The following DPP6 variants were observed in gnomAD, a reference collection of about 807,000 sequenced individuals.
DPP6 encodes A-type potassium channel modulatory protein DPP6.
A neutral mutation model predicts 122.6 loss-of-function variants in DPP6; 69 were observed. The ratio of observed to expected loss-of-function variants is 0.56; its 90% CI spans 0.46 to 0.69. The LOEUF is 0.69. Ranked by LOEUF, DPP6 falls within the 30% of genes least tolerant of loss-of-function variation. The pLI is 0.00. For synonymous variants in DPP6, 418 were observed against 433.1 expected, an observed-to-expected ratio of 0.97 and a Z score of 0.43; for missense variants, 928 against 1,116.9, an observed-to-expected ratio of 0.83 and a Z score of 2.41.
At chr7:154,031,214 A>G (rs1052524914) in intron 1 of DPP6, among the ~76,000 whole-genome samples, 50 of 151,432 alleles carry the variant, frequency 3.3e-4, no homozygotes, top group African/African-American at 1.2e-3. Flanking sequence ...TAGATAAACT[A>G]TTTTTTTAAT....
At chr7:154,701,021 C>T (rs942327139) in intron 7 of DPP6, among the ~76,000 whole-genome samples, 14 of 152,126 alleles carry the variant, frequency 9.2e-5, no homozygotes, top group African/African-American at 2.9e-4. Context: ...ATCCCCATCA[C>T]CCCCCATCTG....
At chr7:154,478,800 T>C (rs12533390) in intron 3 of DPP6, among the ~76,000 whole-genome samples, 5,689 of 152,310 alleles carry the variant, frequency 0.037, 200 homozygotes, top group African/African-American at 0.08. Flanking sequence ...ACCAAAATTA[T>C]AGGTTCCGAA....
chr7:153,762,441 T>C, the DPP6 span, among the ~76,000 whole-genome samples: 268 of 152,292 alleles, frequency 1.8e-3, 4 homozygotes, highest in Non-Finnish European at 6.0e-4. Flanking sequence ...ACAGGTGTTA[T>C]TCATTGCTTC....
chr7:154,526,642 T>C (rs1586544191), intron 3 of DPP6, among the ~76,000 whole-genome samples: 1 of 152,218 alleles, frequency 6.6e-6, no homozygotes, highest in African/African-American at 2.4e-5. Flanking sequence ...ATAAATATGG[T>C]CCAACTAAAA....
At position 154,282,552 on chromosome 7, in the gene DPP6, T is replaced by C. The variant is rs1040149025; in HGVS notation, c.244-163662T>C. On this transcript the variant is annotated intron_variant, in intron 1 of 25. Transcript: ENST00000377770. This position sits in a 1 kb window ranked among gnomAD's most constrained non-coding sequence, Gnocchi z 4.8. ...GGCACAGGTCTTCTGTTAGACTCAATGGTGGGAAGGGGATGGGATGCAGCC... is the reference window on the plus strand; with the variant it reads ...GGCACAGGTCTTCTGTTAGACTCAACGGTGGGAAGGGGATGGGATGCAGCC... Among the ~76,000 whole-genome samples, 1 of 152,124 alleles carries C rather than the reference T, an allele frequency of 6.6e-6. No individual in the cohort carries two copies. Among genetic ancestry groups the C allele is most frequent in the African/African-American group, 2.4e-5 (1 of 41,422 alleles).
the DPP6 span, among the ~76,000 whole-genome samples, chr7:153,784,994 A>G: frequency 6.6e-6 from 1 of 152,228 alleles, no homozygotes; most frequent in African/African-American, 2.4e-5. Flanking sequence ...TTATAACTAC[A>G]TTCAGTTTAC....
chr7:154,866,307 G>A (rs528341456), intron 17 of DPP6, among the ~76,000 whole-genome samples: 1 of 152,366 alleles, frequency 6.6e-6, no homozygotes, highest in East Asian at 1.9e-4. Context: ...CTGAGTGTGT[G>A]CCTGGAGCAT....
chr7:153,884,987 A>AATATATATAT (rs56329841), upstream of DPP6, among the ~76,000 whole-genome samples: 65 of 116,438 alleles, frequency 5.6e-4, no homozygotes, highest in East Asian at 8.3e-4. Context: ...TCAAAACAAA[A>AATATATATAT]ATATATATAT....
chr7:153,801,876 C>G, the DPP6 span, among the ~76,000 whole-genome samples: 1 of 152,060 alleles, frequency 6.6e-6, no homozygotes. Flanking sequence ...ACTGATTTCT[C>G]TGTTTCTAAA....
At chr7:154,663,318 G>C (rs369228628) in intron 6 of DPP6, among the ~76,000 whole-genome samples, 4 of 23,304 alleles carry the variant, frequency 1.7e-4, no homozygotes, top group East Asian at 1.9e-3. Flanking sequence ...AGTGTTCATA[G>C]AGTCATGGTG....
In DPP6 at chr7:154,517,413, G is replaced by C. The variant is rs114941946; in HGVS notation, c.458-23119G>C. 5.8e-3 allele frequency among the ~76,000 whole-genome samples: 880 copies of C among 152,220 alleles called. 8 individuals are homozygous for C. The highest frequency in any genetic ancestry group is 0.02 in the African/African-American group (810 of 41,536). On this transcript the variant is annotated intron_variant, in intron 3 of 25. Coordinates refer to ENST00000377770, the MANE Select transcript of DPP6 (RefSeq NM_130797.4). Reference sequence around the variant, plus strand: ...GCACCCAGCACGGTGTCTGCACAGAGGATGACAAAAATCTTGAATGAATGA... The same window carrying C: ...GCACCCAGCACGGTGTCTGCACAGACGATGACAAAAATCTTGAATGAATGA...
chr7:153,938,623 C>G (rs1020589368), intron 1 of DPP6, among the ~76,000 whole-genome samples: 4 of 152,196 alleles, frequency 2.6e-5, no homozygotes, highest in African/African-American at 9.7e-5. Flanking sequence ...AGAAAGTTAT[C>G]GACGTCCAAC....
chr7:154,527,507 C>T lies in DPP6; in HGVS notation c.458-13025C>T, dbSNP rs955719738. 2.6e-5 allele frequency among the ~76,000 whole-genome samples: 4 copies of T among 151,964 alleles called. No individual in the cohort carries two copies. In the East Asian group the frequency reaches 7.7e-4, roughly 29 times the overall value. ...TGTTGTATGCTATTTGTTATCAGAA[C>T]ATACATAAATACAAGTAAATTATAG... On this transcript the variant is annotated intron_variant, in intron 3 of 25. Coordinates refer to ENST00000377770, the MANE Select transcript of DPP6 (RefSeq NM_130797.4).
At chr7:154,085,011 A>AAAAAC (rs1473084161) in intron 1 of DPP6, among the ~76,000 whole-genome samples, 1 of 150,800 alleles carries the variant, frequency 6.6e-6, no homozygotes, top group Non-Finnish European at 1.5e-5. Context: ...AAAAAAAAAA[A>AAAAAC]CAGGTGCCTT....
intron 1 of DPP6, among the ~76,000 whole-genome samples, chr7:154,319,451 T>G (rs1807729233): frequency 1.3e-5 from 2 of 152,056 alleles, no homozygotes; most frequent in Admixed American, 6.6e-5. Flanking sequence ...CCCAGCACTT[T>G]GGGAGGCCGA....
At chr7:154,181,688 G>GTTTCT (rs1798091235) in intron 1 of DPP6, among the ~76,000 whole-genome samples, 1 of 149,136 alleles carries the variant, frequency 6.7e-6, no homozygotes, top group Non-Finnish European at 1.5e-5. Context: ...TGTTTAATTT[G>GTTTCT]TTTCTTTTGC....
chr7:154,243,699 G>T (rs960620935), intron 1 of DPP6, among the ~76,000 whole-genome samples: 19 of 152,026 alleles, frequency 1.2e-4, no homozygotes, highest in Non-Finnish European at 2.2e-4. Context: ...GGAGGCTGAG[G>T]CAGGAGAATG....
chr7:154,769,588 C>T lies in DPP6; in HGVS notation c.1038+17C>T, dbSNP rs146917354. ...TATCCCAAGGTAGGCAAAGGGACACCGCACAGCAAATTCTTTATATTATTC... is the reference window on the plus strand; with the variant it reads ...TATCCCAAGGTAGGCAAAGGGACACTGCACAGCAAATTCTTTATATTATTC... On this transcript the variant is annotated intron_variant, in intron 9 of 25. Coordinates refer to ENST00000377770, the MANE Select transcript of DPP6 (RefSeq NM_130797.4). 1.2e-4 allele frequency: 196 copies of T among 1,569,182 alleles called. No individual in the cohort carries two copies. The highest frequency in any genetic ancestry group is 1.0e-3 in the Middle Eastern group (6 of 5,762).
intron 16 of DPP6, among the ~76,000 whole-genome samples, chr7:154,851,521 G>T (rs1472941372): frequency 1.3e-5 from 2 of 152,296 alleles, no homozygotes; most frequent in East Asian, 3.9e-4. Context: ...GGGGGGAAAT[G>T]AATCTTAGAG....
Sources: gnomAD v4.1 joint callset for allele counts (sites outside exome capture counted in the v4.1 genomes callset) on GRCh38, gnomAD v4.1.1 for gene constraint, Gnocchi (gnomAD v3.1) non-coding constraint, MANE v1.5 for transcripts, NCBI Gene and HGNC (gene_info 2026-07-23, HGNC 2026-07-21) for gene names.